CTNNA2: variants seen among roughly 807,000 people sequenced by gnomAD.
CTNNA2 encodes the protein catenin alpha 2.
CTNNA2 carries 42 observed loss-of-function variants against 101.0 expected under a neutral mutation model. That is an observed-to-expected ratio of 0.42 (90% CI 0.32 to 0.54). The LOEUF (loss-of-function observed/expected upper bound fraction) is 0.54, where lower values mean the gene tolerates loss of function less well. Ranked by LOEUF, CTNNA2 falls within the 20% of genes least tolerant of loss-of-function variation. CTNNA2 has a pLI of 0.14. For synonymous variants in CTNNA2, 450 were observed against 456.4 expected, an observed-to-expected ratio of 0.99 and a Z score of 0.18; for missense variants, 871 against 1,223.1, an observed-to-expected ratio of 0.71 and a Z score of 4.29.
chr2:80,416,347 A>G (rs1002050945), intron 8 of CTNNA2, among the ~76,000 whole-genome samples: 1 of 152,212 alleles, frequency 6.6e-6, no homozygotes, highest in African/African-American at 2.4e-5. Context: ...AAATATATAC[A>G]ATTTTATTTG....
intron 4 of CTNNA2, among the ~76,000 whole-genome samples, chr2:79,477,121 C>A (rs1211267633): frequency 1.3e-5 from 2 of 151,104 alleles, no homozygotes; most frequent in Non-Finnish European, 3.0e-5. Context: ...GAGATGAGTT[C>A]ATTGCATCAT....
intron 7 of CTNNA2, among the ~76,000 whole-genome samples, chr2:80,082,101 G>A (rs551602635): frequency 5.1e-4 from 77 of 152,174 alleles, no homozygotes; most frequent in African/African-American, 6.3e-4. Context: ...TGCTCTGAAC[G>A]TTTGGTGAAA....
At chr2:79,478,399 G>A (rs1052946597) in intron 4 of CTNNA2, among the ~76,000 whole-genome samples, 9 of 151,992 alleles carry the variant, frequency 5.9e-5, no homozygotes, top group East Asian at 5.8e-4. Flanking sequence ...ATTATCTCCC[G>A]GCCAGATTTA....
chr2:79,856,951 T>C (rs1183776027), intron 3 of CTNNA2, among the ~76,000 whole-genome samples: 1 of 152,220 alleles, frequency 6.6e-6, no homozygotes, highest in Non-Finnish European at 1.5e-5. Context: ...ATGACTAAAA[T>C]AATCTTCCAA....
At chr2:80,256,731 T>A (rs996962965) in intron 7 of CTNNA2, among the ~76,000 whole-genome samples, 2 of 152,168 alleles carry the variant, frequency 1.3e-5, no homozygotes, top group African/African-American at 4.8e-5. Flanking sequence ...GTTTCATACA[T>A]GCTTTTTTAT....
At position 79,435,719 on chromosome 2, in the gene CTNNA2, G is replaced by A. The variant is rs75458902; in HGVS notation, c.-135+61706G>A. ...ACAACAAATGCAGCAAGAAGCTGGC[G>A]TCTGGGGCAGCACCCAGCAAGTATG... is the stretch of plus-strand genomic sequence containing the variant. On this transcript the variant is annotated intron_variant, in intron 4 of 21. Transcript: ENST00000466387. 7.8e-3 allele frequency among the ~76,000 whole-genome samples: 1,189 copies of A among 152,230 alleles called. 10 individuals are homozygous for A. Among genetic ancestry groups the A allele is most frequent in the African/African-American group, 0.027 (1,116 of 41,526 alleles).
At chr2:80,236,042 A>T (rs1224743459) in intron 7 of CTNNA2, among the ~76,000 whole-genome samples, 1 of 152,148 alleles carries the variant, frequency 6.6e-6, no homozygotes, top group African/African-American at 2.4e-5. Flanking sequence ...GCTCCCACTT[A>T]TAAGTGAGAA....
intron 1 of CTNNA2, among the ~76,000 whole-genome samples, chr2:79,600,447 G>C (rs1677478913): frequency 6.6e-6 from 1 of 152,132 alleles, no homozygotes; most frequent in Non-Finnish European, 1.5e-5. Flanking sequence ...CAAGTGTTGG[G>C]ATTACAGGTG....
intron 4 of CTNNA2, among the ~76,000 whole-genome samples, chr2:79,487,254 G>T (rs1202156362): frequency 9.2e-4 from 1 of 1,086 alleles, no homozygotes; most frequent in African/African-American, 7.8e-3. Context: ...TCTATACGTT[G>T]CAAAAAACTA....
At chr2:80,573,459 G>A (rs17340170) in intron 12 of CTNNA2, 24,240 of 152,002 alleles carry the variant, frequency 0.16, 1,959 homozygotes, top group South Asian at 0.21. Context: ...TCTTTCCATA[G>A]GACATTCTGC....
intron 3 of CTNNA2, among the ~76,000 whole-genome samples, chr2:79,810,473 C>CAT (rs1481844924): frequency 5.3e-5 from 8 of 151,898 alleles, no homozygotes; most frequent in African/African-American, 1.9e-4. Context: ...ACAGCCATAC[C>CAT]ATATCACTAT....
chr2:79,951,657 C>T (rs1377828341), intron 7 of CTNNA2, among the ~76,000 whole-genome samples: 1 of 150,542 alleles, frequency 6.6e-6, no homozygotes, highest in East Asian at 2.0e-4. Flanking sequence ...AGAGTGAGAC[C>T]CTGTCTCAAA....
In CTNNA2 at chr2:79,407,885, T is replaced by G. The variant is rs545406964; in HGVS notation, c.-135+33872T>G. On this transcript the variant is annotated intron_variant, in intron 4 of 21. Coordinates refer to the CTNNA2 transcript ENST00000466387. Reference sequence around the variant, plus strand: ...TGCCAAAACATGTATGTGTACAGTTTTCTGTGCAAAACATAGTGTTCAGGA... The same window carrying G: ...TGCCAAAACATGTATGTGTACAGTTGTCTGTGCAAAACATAGTGTTCAGGA... Among the ~76,000 whole-genome samples, 64 of 152,182 alleles carry G rather than the reference T, an allele frequency of 4.2e-4. No homozygotes were observed. In the South Asian group the frequency reaches 0.011, roughly 25 times the overall value.
rs190169209 is a variant in CTNNA2 at position 79,365,763 on chromosome 2, G to T, written c.-317-8068G>T. ...AAAATATGAATGTGACTCCTTCTTT[G>T]TGGTTCTTTCAGCCGCAGCAACTTT... On this transcript the variant is annotated intron_variant, in intron 3 of 21. Coordinates refer to the CTNNA2 transcript ENST00000466387. 2.9e-3 allele frequency among the ~76,000 whole-genome samples: 435 copies of T among 151,826 alleles called. 12 individuals carry two copies. The highest frequency in any genetic ancestry group is 0.024 in the Admixed American group (366 of 15,260).
At chr2:79,230,374 G>C (rs946062361) in intron 2 of CTNNA2, among the ~76,000 whole-genome samples, 1 of 152,218 alleles carries the variant, frequency 6.6e-6, no homozygotes, top group Non-Finnish European at 1.5e-5. Flanking sequence ...TTGGGCCGTG[G>C]CTTCAGAGGG....
At chr2:79,315,826 C>A (rs1020244596) in intron 3 of CTNNA2, among the ~76,000 whole-genome samples, 1 of 152,028 alleles carries the variant, frequency 6.6e-6, no homozygotes, top group African/African-American at 2.4e-5. Flanking sequence ...TTTTGAGGAA[C>A]TGTCAAACTA....
chr2:79,232,946 A>G (rs993526953), intron 2 of CTNNA2, among the ~76,000 whole-genome samples: 5 of 152,100 alleles, frequency 3.3e-5, no homozygotes, highest in Admixed American at 3.3e-4. Context: ...TTAATTGTTA[A>G]TTCAGCTAAC....
intron 9 of CTNNA2, among the ~76,000 whole-genome samples, chr2:80,432,012 T>G (rs1027754761): frequency 6.6e-6 from 1 of 152,192 alleles, no homozygotes; most frequent in Non-Finnish European, 1.5e-5. Context: ...ATTCTTTTTA[T>G]TTTTTAGTTT....
At chr2:80,039,585 C>T (rs910632674) in intron 7 of CTNNA2, among the ~76,000 whole-genome samples, 2 of 152,166 alleles carry the variant, frequency 1.3e-5, no homozygotes, top group Admixed American at 6.5e-5. Flanking sequence ...GCCCATCTTC[C>T]GTCTGACTCC....
Sources: gnomAD v4.1 joint callset for allele counts (sites outside exome capture counted in the v4.1 genomes callset) on GRCh38, gnomAD v4.1.1 for gene constraint, MANE v1.5 for transcripts, NCBI Gene and HGNC (gene_info 2026-07-23, HGNC 2026-07-21) for gene names.